Variants in GALNT7 observed in about 807,000 individuals in gnomAD.
GALNT7 encodes the protein N-acetylgalactosaminyltransferase 7.
Under a neutral mutation model 82.1 loss-of-function variants are expected in GALNT7, and 60 were observed. The ratio of observed to expected loss-of-function variants is 0.73; its 90% CI spans 0.59 to 0.91. The LOEUF (loss-of-function observed/expected upper bound fraction) is 0.91. Among genes scored for constraint, GALNT7 ranks in the 40% least tolerant of loss-of-function variants. The pLI, the probability that GALNT7 is intolerant of heterozygous loss-of-function variation, is 0.00. For missense variants in GALNT7, 660 were observed against 804.2 expected (o/e 0.82, Z 2.17); for synonymous variants, 243 against 275.1 (o/e 0.88, Z 1.15).
intron 1 of GALNT7, among the ~76,000 whole-genome samples, chr4:173,203,247 C>A (rs1409907466): frequency 2.0e-5 from 3 of 152,174 alleles, no homozygotes; most frequent in Non-Finnish European, 4.4e-5. Context: ...GCGCCCGCCA[C>A]CACGCCCAGC....
At chr4:173,189,805 T>C (rs1382850511) in intron 1 of GALNT7, among the ~76,000 whole-genome samples, 1 of 152,226 alleles carries the variant, frequency 6.6e-6, no homozygotes, top group East Asian at 1.9e-4. Context: ...AGTCTTTGAA[T>C]GGTACCTGCT....
Position 173,320,246 on chromosome 4 carries a change from G to A in GALNT7, c.1837-1334G>A, listed in dbSNP as rs1337483999. On this transcript the variant is annotated intron_variant, in intron 11 of 11. Coordinates refer to ENST00000265000, the MANE Select transcript of GALNT7 (RefSeq NM_017423.3). The surrounding 1 kb of genome is among the most constrained non-coding windows in gnomAD (Gnocchi z 4.1). ...TCCCTTTACACTCTTAAAAATTTTTGAGCTCCCCCACCCCCAAATTGCTTT... is the reference window on the plus strand; with the variant it reads ...TCCCTTTACACTCTTAAAAATTTTTAAGCTCCCCCACCCCCAAATTGCTTT... Among the ~76,000 whole-genome samples, 1 of 151,672 alleles carries A rather than the reference G, an allele frequency of 6.6e-6. No individual in the cohort carries two copies. Among genetic ancestry groups the A allele is most frequent in the Non-Finnish European group, 1.5e-5 (1 of 67,916 alleles).
intron 5 of GALNT7, among the ~76,000 whole-genome samples, chr4:173,296,611 T>C (rs951257649): frequency 2.0e-5 from 3 of 152,204 alleles, no homozygotes; most frequent in African/African-American, 7.2e-5. Context: ...CTGAAGAGGA[T>C]ACTGAGGCTT....
Position 173,295,425 on chromosome 4 carries a change from A to T in GALNT7, c.784A>T (p.Ile262Phe). 6 of 1,597,680 alleles carry T rather than the reference A, an allele frequency of 3.8e-6. No individual in the cohort carries two copies. The highest frequency in any genetic ancestry group is 5.1e-6 in the Non-Finnish European group (6 of 1,165,134). ...EHLKEKLDEY[I>F]KLWNGLVKVF... ...CTTAAAAGAAAAACTGGATGAATAT[A>T]TTAAGCTGTGGAATGGCCTAGTGAA... The change falls in exon 4 of 12, where the codon ATT becomes TTT. Residue 262 changes from isoleucine (I) to phenylalanine (F), a missense_variant. Coordinates refer to ENST00000265000, the MANE Select transcript of GALNT7 (RefSeq NM_017423.3).
chr4:173,169,735 T>G (rs1475591394), intron 1 of GALNT7: 1 of 151,984 alleles, frequency 6.6e-6, no homozygotes, highest in African/African-American at 2.4e-5. Flanking sequence ...CCCCCAGCCC[T>G]CAGCGCCTGG....
intron 1 of GALNT7, among the ~76,000 whole-genome samples, chr4:173,172,605 G>A (rs1251960770): frequency 6.6e-6 from 1 of 152,148 alleles, no homozygotes; most frequent in Non-Finnish European, 1.5e-5. Flanking sequence ...TGGTGGTGGG[G>A]GGCCTTTCCT....
intron 1 of GALNT7, among the ~76,000 whole-genome samples, chr4:173,174,429 A>T (rs897953941): frequency 6.6e-6 from 1 of 152,228 alleles, no homozygotes; most frequent in Non-Finnish European, 1.5e-5. Flanking sequence ...TGGAAGGCAC[A>T]TATTAAATAT....
chr4:173,294,022 T>C (rs1736630627), intron 3 of GALNT7, among the ~76,000 whole-genome samples: 1 of 152,182 alleles, frequency 6.6e-6, no homozygotes, highest in South Asian at 2.1e-4. Context: ...CAGTGAATAT[T>C]TTGAGCCCTT....
chr4:173,288,282 C>CAAAAAAAAAAAAAAAAAAAAAA (rs70944442), intron 2 of GALNT7, among the ~76,000 whole-genome samples: 2 of 62,972 alleles, frequency 3.2e-5, no homozygotes, highest in African/African-American at 1.7e-4. Context: ...GACTCCATCT[C>CAAAAAAAAAAAAAAAAAAAAAA]AAAAAAAAAA....
intron 1 of GALNT7, among the ~76,000 whole-genome samples, chr4:173,242,607 A>G (rs891319952): frequency 6.6e-6 from 1 of 152,228 alleles, no homozygotes; most frequent in African/African-American, 2.4e-5. Flanking sequence ...GTCATCGCTC[A>G]GTGCTCTGAA....
At chr4:173,252,259 G>T (rs1390723256) in intron 2 of GALNT7, among the ~76,000 whole-genome samples, 1 of 152,200 alleles carries the variant, frequency 6.6e-6, no homozygotes, top group Non-Finnish European at 1.5e-5. Flanking sequence ...TGGGGAATGT[G>T]CTTGGAGCCC....
intron 1 of GALNT7, among the ~76,000 whole-genome samples, chr4:173,243,773 C>T (rs908971716): frequency 6.6e-5 from 10 of 152,012 alleles, no homozygotes; most frequent in African/African-American, 2.4e-4. Flanking sequence ...AGTACAGTGC[C>T]GTGTAGGGAA....
chr4:173,218,636 A>G (rs765896149), intron 1 of GALNT7, among the ~76,000 whole-genome samples: 25 of 152,212 alleles, frequency 1.6e-4, no homozygotes, highest in South Asian at 6.2e-4. Context: ...TAAGTTAAGC[A>G]TTGCTATTCA....
chr4:173,283,615 G>A (rs951603598), intron 2 of GALNT7, among the ~76,000 whole-genome samples: 5 of 146,780 alleles, frequency 3.4e-5, no homozygotes, highest in East Asian at 2.0e-4. Context: ...CGGCCTGGGC[G>A]ACAGAGCGAA....
At chr4:173,295,548 C>T (rs769652238) in intron 4 of GALNT7, 22 bp downstream of exon 4, 15 of 1,603,940 alleles carry the variant, frequency 9.4e-6, no homozygotes, top group Non-Finnish European at 1.3e-5. Context: ...TTGATATCTA[C>T]AATGTCAACA....
intron 1 of GALNT7, among the ~76,000 whole-genome samples, chr4:173,182,843 C>CAG (rs1732297630): frequency 7.1e-6 from 1 of 140,738 alleles, no homozygotes; most frequent in Non-Finnish European, 1.5e-5. Context: ...CACACACACA[C>CAG]AGCTTTTTCT....
intron 5 of GALNT7, among the ~76,000 whole-genome samples, chr4:173,297,351 C>G (rs576147354): frequency 3.3e-5 from 5 of 151,644 alleles, no homozygotes; most frequent in African/African-American, 1.2e-4. Flanking sequence ...GAAATAGCAA[C>G]AAAGGGTTGA....
Position 173,320,982 on chromosome 4 carries a change from C to T in GALNT7, c.1837-598C>T, listed in dbSNP as rs1200497031. On this transcript the variant is annotated intron_variant, in intron 11 of 11. Coordinates refer to ENST00000265000, the MANE Select transcript of GALNT7 (RefSeq NM_017423.3). This position sits in a 1 kb window ranked among gnomAD's most constrained non-coding sequence, Gnocchi z 4.1. ...TTACTCACCATTGCTTTTGCACTAT[C>T]GGTATAAATGTTGCTAAAGTGAAAA... Among the ~76,000 whole-genome samples, 2 of 152,118 alleles carry T rather than the reference C, an allele frequency of 1.3e-5. No individual in the cohort carries two copies. The highest frequency in any genetic ancestry group is 4.8e-5 in the African/African-American group (2 of 41,422).
intron 1 of GALNT7, among the ~76,000 whole-genome samples, chr4:173,203,845 A>G (rs1452338907): frequency 1.3e-5 from 2 of 152,192 alleles, no homozygotes; most frequent in African/African-American, 2.4e-5. Context: ...TTATATTTTA[A>G]CCTTCATACT....
Sources: allele counts gnomAD v4.1 joint callset (sites outside exome capture counted in the v4.1 genomes callset), GRCh38; gene constraint gnomAD v4.1.1; non-coding constraint Gnocchi (gnomAD v3.1); transcripts MANE v1.5; gene names NCBI Gene and HGNC (gene_info 2026-07-23, HGNC 2026-07-21).